REDIC1: variants seen among roughly 807,000 people sequenced by gnomAD.
The protein encoded by REDIC1 is HEI10 Interacting Protein 1.
At chr12:39,667,834 C>G in the REDIC1 span, among the ~76,000 whole-genome samples, 1 of 152,098 alleles carries the variant, frequency 6.6e-6, no homozygotes, top group African/African-American at 2.4e-5. Flanking sequence ...CCTTCTTTGT[C>G]TCTTTTGATC....
chr12:39,828,177 A>C, the REDIC1 span, among the ~76,000 whole-genome samples: 2 of 152,212 alleles, frequency 1.3e-5, no homozygotes, highest in Admixed American at 6.5e-5. Context: ...TTTCTAGCCA[A>C]GACTAAGGAG....
the REDIC1 span, chr12:39,829,913 C>G: frequency 1.4e-6 from 1 of 718,098 alleles, no homozygotes; most frequent in Non-Finnish European, 2.2e-6. Context: ...GGCCTGAGTG[C>G]TTTCTACTCT....
chr12:39,696,754 A>T, the REDIC1 span, among the ~76,000 whole-genome samples: 1 of 152,082 alleles, frequency 6.6e-6, no homozygotes. Context: ...ATCAAGCACA[A>T]ATTCTAGAGC....
At chr12:39,816,646 G>A in the REDIC1 span, among the ~76,000 whole-genome samples, 1 of 141,044 alleles carries the variant, frequency 7.1e-6, no homozygotes, top group South Asian at 2.2e-4. Context: ...AGCTGGACAT[G>A]GCTGTATTTT....
chr12:39,896,094 A>G, the REDIC1 span, among the ~76,000 whole-genome samples: 10 of 146,938 alleles, frequency 6.8e-5, no homozygotes, highest in East Asian at 2.0e-4. Flanking sequence ...ATATATGTAT[A>G]CACGTGTATA....
At chr12:39,857,571 T>G in the REDIC1 span, among the ~76,000 whole-genome samples, 2 of 152,214 alleles carry the variant, frequency 1.3e-5, no homozygotes, top group Non-Finnish European at 2.9e-5. Context: ...TTCATCACCA[T>G]TTGTCTGTCT....
chr12:39,636,784 C>T, the REDIC1 span, among the ~76,000 whole-genome samples: 1 of 151,918 alleles, frequency 6.6e-6, no homozygotes, highest in South Asian at 2.1e-4. Flanking sequence ...TTAATACTGA[C>T]AGTATATGGT....
At chr12:39,746,869 A>T in the REDIC1 span, among the ~76,000 whole-genome samples, 72 of 152,376 alleles carry the variant, frequency 4.7e-4, no homozygotes, top group Non-Finnish European at 8.8e-4. Flanking sequence ...GAGGGTCCTG[A>T]CTGTTAGAAG....
At chr12:39,859,728 T>C in the REDIC1 span, among the ~76,000 whole-genome samples, 1 of 152,064 alleles carries the variant, frequency 6.6e-6, no homozygotes, top group African/African-American at 2.4e-5. Context: ...GGTTTCACCA[T>C]GTTGGCCGGG....
At chr12:39,802,704 C>G in the REDIC1 span, among the ~76,000 whole-genome samples, 8 of 151,946 alleles carry the variant, frequency 5.3e-5, no homozygotes, top group Non-Finnish European at 1.2e-4. Flanking sequence ...CACATAGTTA[C>G]ATGTCCATAT....
chr12:39,876,059 T>G, the REDIC1 span, among the ~76,000 whole-genome samples: 1 of 152,222 alleles, frequency 6.6e-6, no homozygotes, highest in African/African-American at 2.4e-5. Flanking sequence ...TTATAATATC[T>G]ATCAGACAAA....
chr12:39,740,577 A>G, the REDIC1 span, among the ~76,000 whole-genome samples: 1 of 151,882 alleles, frequency 6.6e-6, no homozygotes, highest in Non-Finnish European at 1.5e-5. Flanking sequence ...ATTCAGTTGC[A>G]TCTTGGGATC....
the REDIC1 span, among the ~76,000 whole-genome samples, chr12:39,703,080 C>T: frequency 6.6e-6 from 1 of 152,090 alleles, no homozygotes; most frequent in African/African-American, 2.4e-5. Flanking sequence ...GAAGTTCTGG[C>T]CAGGGCAATT....
chr12:39,879,730 G>T, the REDIC1 span, among the ~76,000 whole-genome samples: 1 of 152,126 alleles, frequency 6.6e-6, no homozygotes, highest in Admixed American at 6.5e-5. Flanking sequence ...GATTTTCCTT[G>T]TCTCAGATGA....
chr12:39,742,847 C>G, the REDIC1 span, among the ~76,000 whole-genome samples: 27 of 152,216 alleles, frequency 1.8e-4, no homozygotes, highest in African/African-American at 6.0e-4. Context: ...GAGAAACAGA[C>G]AGATGGATAG....
the REDIC1 span, among the ~76,000 whole-genome samples, chr12:39,654,806 G>T: frequency 1.3e-5 from 2 of 152,122 alleles, no homozygotes; most frequent in Admixed American, 1.3e-4. Context: ...ATTTGTGGAG[G>T]GTTGGTATTA....
At chr12:39,627,235 C>T in the REDIC1 span, among the ~76,000 whole-genome samples, 4 of 152,136 alleles carry the variant, frequency 2.6e-5, no homozygotes, top group Non-Finnish European at 1.5e-5. Context: ...CACTTTTATC[C>T]TGTTGAATAT....
the REDIC1 span, among the ~76,000 whole-genome samples, chr12:39,790,773 T>C: frequency 1.6e-5 from 1 of 62,500 alleles, no homozygotes; most frequent in Non-Finnish European, 3.2e-5. Flanking sequence ...TTTCTAGTTC[T>C]AGATCCCTGA....
chr12:39,788,246 G>C, the REDIC1 span, among the ~76,000 whole-genome samples: 1 of 152,192 alleles, frequency 6.6e-6, no homozygotes, highest in South Asian at 2.1e-4. Context: ...GGCACAGTAA[G>C]AGATTAACAA....
Sources: allele counts gnomAD v4.1 joint callset (sites outside exome capture counted in the v4.1 genomes callset), GRCh38; gene constraint gnomAD v4.1.1; transcripts MANE v1.5; gene names NCBI Gene and HGNC (gene_info 2026-07-23, HGNC 2026-07-21).